Variants in CHM observed in about 807,000 individuals in gnomAD.
CHM encodes rab proteins geranylgeranyltransferase component A 1.
CHM carries 10 observed loss-of-function variants against 49.0 expected under a neutral mutation model. That is an observed-to-expected ratio of 0.20 (90% confidence interval 0.13 to 0.35). The LOEUF (loss-of-function observed/expected upper bound fraction) is 0.35. CHM is among the 10% of genes least tolerant of loss of function. The pLI is 1.00. For synonymous variants in CHM, 184 were observed against 167.5 expected (o/e 1.10, Z -0.76); for missense variants, 455 against 478.4 (o/e 0.95, Z 0.46).
At chrX:86,040,279 A>G (rs983987204) in intron 1 of CHM, among the ~76,000 whole-genome samples, 3 of 112,208 alleles carry the variant, frequency 2.7e-5, no homozygotes, top group Non-Finnish European at 3.8e-5. Context: ...CCAGTGCCCA[A>G]AAGCACTCGC....
intron 8 of CHM, among the ~76,000 whole-genome samples, chrX:85,948,559 A>T (rs1434836286): frequency 8.9e-6 from 1 of 112,401 alleles, no homozygotes; most frequent in Non-Finnish European, 1.9e-5. Flanking sequence ...TCTAGTAGTT[A>T]AAATGTCACA....
chrX:86,038,636 C>A (rs1934338035), intron 1 of CHM, among the ~76,000 whole-genome samples: 2 of 112,113 alleles, frequency 1.8e-5, no homozygotes. Context: ...TGAAGCAAAT[C>A]ATTTCTTAAA....
chrX:86,011,490 G>A (rs1350848961), intron 2 of CHM, among the ~76,000 whole-genome samples: 1 of 111,365 alleles, frequency 9.0e-6, no homozygotes, highest in African/African-American at 3.3e-5. Context: ...ATATATAACT[G>A]TAAACTTGGA....
chrX:85,972,495 C>G (rs1930991046), intron 4 of CHM, among the ~76,000 whole-genome samples: 1 of 113,223 alleles, frequency 8.8e-6, no homozygotes, highest in South Asian at 3.5e-4. Context: ...AGTCCCGAGG[C>G]CTGCCCCGTG....
chrX:85,933,503 C>T (rs948940967), intron 8 of CHM, among the ~76,000 whole-genome samples: 3 of 112,034 alleles, frequency 2.7e-5, no homozygotes, highest in African/African-American at 9.7e-5. Flanking sequence ...TCTTGACCAC[C>T]ACACTATGCC....
At chrX:85,990,041 A>T (rs1932107491) in intron 2 of CHM, among the ~76,000 whole-genome samples, 1 of 112,250 alleles carries the variant, frequency 8.9e-6, no homozygotes, top group Non-Finnish European at 1.9e-5. Context: ...ATGCATGCAA[A>T]TGTTCACTGT....
chrX:85,895,790 T>C (rs939580591), intron 11 of CHM, among the ~76,000 whole-genome samples: 2 of 111,859 alleles, frequency 1.8e-5, no homozygotes, highest in African/African-American at 6.5e-5. Context: ...ATTAAAGAGA[T>C]AGAAGCCACT....
chrX:86,032,466 A>C (rs1394132081), intron 1 of CHM, among the ~76,000 whole-genome samples: 1 of 110,371 alleles, frequency 9.1e-6, no homozygotes, highest in Non-Finnish European at 1.9e-5. Flanking sequence ...CCCCTTCAAT[A>C]AGATTAGTTA....
chrX:85,970,505 G>A (rs1930838467), intron 4 of CHM: 4 of 729,803 alleles, frequency 5.5e-6, no homozygotes, highest in African/African-American at 4.6e-5. Context: ...ATGATACACT[G>A]GAAATAGCAC....
At chrX:86,017,959 A>C (rs1933376965) in intron 2 of CHM, among the ~76,000 whole-genome samples, 1 of 112,023 alleles carries the variant, frequency 8.9e-6, no homozygotes, top group Admixed American at 9.5e-5. Flanking sequence ...CAATAACATT[A>C]ACAAATTTGA....
intron 5 of CHM, among the ~76,000 whole-genome samples, chrX:85,962,583 T>G (rs1470310410): frequency 8.9e-6 from 1 of 112,050 alleles, no homozygotes; most frequent in Non-Finnish European, 1.9e-5. Context: ...TTGAAGAAAG[T>G]ACATTAAATT....
At chrX:85,864,970 C>T (rs761902843) in intron 14 of CHM, 149 bp from the exon 15 acceptor site, 14 of 514,321 alleles carry the variant, frequency 2.7e-5, no homozygotes, top group Admixed American at 6.0e-5. Flanking sequence ...CATGAACTTC[C>T]GTAAGTCTGT....
chrX:85,979,268 C>CT (rs760552710), intron 3 of CHM, among the ~76,000 whole-genome samples: 67 of 110,601 alleles, frequency 6.1e-4, no homozygotes, highest in African/African-American at 1.5e-3. Flanking sequence ...AAAACAGGGC[C>CT]TTTTTTTTAA....
At chrX:85,954,350 G>T (rs2147660082) in intron 8 of CHM, among the ~76,000 whole-genome samples, 1 of 111,912 alleles carries the variant, frequency 8.9e-6, no homozygotes, top group African/African-American at 3.2e-5. Context: ...TACAACCACT[G>T]TGGAGAACAG....
chrX:85,889,883 A>G lies in CHM; in HGVS notation c.1510+4305T>C, dbSNP rs138223857. ...ACTATGCAGCCATAAAATCAAAGAA[A>G]ATCATGTCATTTGCAGCAACATGGA... is the stretch of plus-strand genomic sequence containing the variant. On this transcript the variant is annotated intron_variant, in intron 12 of 14. Transcript: ENST00000357749. Among the ~76,000 whole-genome samples the G allele has an allele frequency of 6.0e-3, 672 of 112,002 alleles. 7 individuals are homozygous for G. The highest frequency in any genetic ancestry group is 0.021 in the African/African-American group (648 of 30,821).
chrX:85,873,237 T>C (rs1451317420), intron 13 of CHM, 25 bp from the exon 14 acceptor site: 11 of 1,040,500 alleles, frequency 1.1e-5, no homozygotes, highest in Non-Finnish European at 1.4e-5. Context: ...AAATTTTATT[T>C]ACATTCTAAA....
At chrX:85,913,332 A>AAAAAAAGAAAG (rs762266365) in intron 8 of CHM, among the ~76,000 whole-genome samples, 3 of 23,404 alleles carry the variant, frequency 1.3e-4, no homozygotes, top group African/African-American at 2.8e-4. Flanking sequence ...AAAAAAAAAA[A>AAAAAAAGAAAG]AAAGAAAGAA....
rs761901631 is a variant in CHM at position 85,923,943 on chromosome X, TGAA to T, written c.1167-12608_1167-12606del. Among the ~76,000 whole-genome samples, 18 of 111,195 alleles carry T rather than the reference TGAA, an allele frequency of 1.6e-4. No homozygotes were observed. The East Asian group carries it at 4.5e-3, about 28-fold the overall frequency. On this transcript the variant is annotated intron_variant, in intron 8 of 14. Coordinates refer to ENST00000357749, the MANE Select transcript of CHM (RefSeq NM_000390.4). ...GAAGTGCAAGCTAGCTCAGTGTATT[TGAA>T]GAAGAAGAGAGATGGCTAAGGGAGA...
At chrX:85,893,472 T>C (rs754087107) in intron 12 of CHM, among the ~76,000 whole-genome samples, 1 of 111,961 alleles carries the variant, frequency 8.9e-6, no homozygotes, top group South Asian at 3.7e-4. Context: ...CAAGGTGCTA[T>C]GGTTTCAATG....
Sources: allele counts gnomAD v4.1 joint callset (sites outside exome capture counted in the v4.1 genomes callset), GRCh38; gene constraint gnomAD v4.1.1; transcripts MANE v1.5; gene names NCBI Gene and HGNC (gene_info 2026-07-23, HGNC 2026-07-21).